The following CTNND2 variants were observed in gnomAD, a reference collection of about 807,000 sequenced individuals.
CTNND2 encodes the protein catenin delta-2.
In CTNND2, 22 loss-of-function variants were observed where a neutral mutation model predicts 144.4. The ratio of observed to expected loss-of-function variants is 0.15; its 90% CI spans 0.11 to 0.22. The LOEUF is 0.22. CTNND2 is among the 10% of genes least tolerant of loss of function. The pLI, the probability that CTNND2 is intolerant of heterozygous loss-of-function variation, is 1.00. For synonymous variants in CTNND2, 751 were observed against 695.6 expected (o/e 1.08, Z -1.25); for missense variants, 1,353 against 1,618.8 (o/e 0.84, Z 2.82).
intron 14 of CTNND2, among the ~76,000 whole-genome samples, chr5:11,109,212 T>A (rs976509789): frequency 6.6e-6 from 1 of 152,236 alleles, no homozygotes; most frequent in South Asian, 2.1e-4. Flanking sequence ...AAGTGATGCA[T>A]AGAGTGTCAA....
chr5:11,852,041 G>A (rs921765826), intron 1 of CTNND2, among the ~76,000 whole-genome samples: 4 of 151,876 alleles, frequency 2.6e-5, no homozygotes, highest in African/African-American at 4.8e-5. Context: ...ATTAACTTAC[G>A]TCTCTTAACC....
At chr5:11,596,163 G>T (rs1308501055) in intron 2 of CTNND2, among the ~76,000 whole-genome samples, 1 of 152,074 alleles carries the variant, frequency 6.6e-6, no homozygotes, top group Non-Finnish European at 1.5e-5. Context: ...TCCTTTTCTA[G>T]ACCTCAGGCA....
chr5:11,774,962 A>G (rs577887255), intron 1 of CTNND2, among the ~76,000 whole-genome samples: 4 of 152,168 alleles, frequency 2.6e-5, no homozygotes, highest in East Asian at 3.9e-4. Flanking sequence ...CTTACATCCA[A>G]TCCCATCCTA....
Position 10,971,839 on chromosome 5 carries a change from C to A in CTNND2, c.*1614G>T, listed in dbSNP as rs1443242154. The A allele has an allele frequency of 1.3e-5, 2 of 152,614 alleles. No homozygotes were observed. The highest frequency in any genetic ancestry group is 4.8e-5 in the African/African-American group (2 of 41,442). The allele number at this position is 152,614 out of a possible 1,614,324, so 9.5% of individuals were successfully genotyped here. Reference sequence around the variant, plus strand: ...TTTAAAGGACGATGGCAGCCAATTTCTTTTGTTACTGATGTTTTTATTTTT... The same window carrying A: ...TTTAAAGGACGATGGCAGCCAATTTATTTTGTTACTGATGTTTTTATTTTT... On this transcript the variant is annotated 3_prime_UTR_variant, in exon 22 of 22. Transcript: ENST00000304623.
chr5:11,713,134 C>A (rs1786131265), intron 2 of CTNND2, among the ~76,000 whole-genome samples: 1 of 152,124 alleles, frequency 6.6e-6, no homozygotes, highest in Non-Finnish European at 1.5e-5. Context: ...ATACAGTCAG[C>A]AATTTATTTC....
intron 9 of CTNND2, among the ~76,000 whole-genome samples, chr5:11,241,471 G>T (rs1411794950): frequency 1.3e-5 from 2 of 152,226 alleles, no homozygotes; most frequent in African/African-American, 4.8e-5. Context: ...GGTTGGAGTT[G>T]ATTGTGTCTC....
intron 1 of CTNND2, among the ~76,000 whole-genome samples, chr5:11,827,619 A>G (rs1244795422): frequency 6.6e-6 from 1 of 152,218 alleles, no homozygotes; most frequent in Non-Finnish European, 1.5e-5. Flanking sequence ...TACAAGAACT[A>G]AAGACATTAA....
At chr5:11,600,352 A>C (rs1779720251) in intron 2 of CTNND2, among the ~76,000 whole-genome samples, 1 of 152,212 alleles carries the variant, frequency 6.6e-6, no homozygotes, top group African/African-American at 2.4e-5. Context: ...TTCCACAGAT[A>C]TATTAAGTAT....
intron 9 of CTNND2, among the ~76,000 whole-genome samples, chr5:11,240,726 C>T (rs1742293096): frequency 6.9e-6 from 1 of 145,854 alleles, no homozygotes; most frequent in African/African-American, 2.5e-5. Context: ...AAAACACACA[C>T]TCAGCACACA....
At chr5:11,218,017 TCCTCCCTTCCTC>T (rs1443700996) in intron 10 of CTNND2, among the ~76,000 whole-genome samples, 1 of 151,648 alleles carries the variant, frequency 6.6e-6, no homozygotes, top group Non-Finnish European at 1.5e-5. Flanking sequence ...CTTCCTTCTT[TCCTCCCTTCCTC>T]CCTCCCTTCT....
intron 2 of CTNND2, among the ~76,000 whole-genome samples, chr5:11,574,415 A>G (rs1220856314): frequency 6.6e-6 from 1 of 152,142 alleles, no homozygotes; most frequent in African/African-American, 2.4e-5. Context: ...CCACACTAAC[A>G]GTTCAGAAAC....
intron 1 of CTNND2, among the ~76,000 whole-genome samples, chr5:11,832,681 C>T (rs1165754784): frequency 6.6e-6 from 1 of 152,196 alleles, no homozygotes; most frequent in Non-Finnish European, 1.5e-5. Context: ...TATTTCATGC[C>T]TGTAATCCCA....
In CTNND2 at chr5:11,315,812, T is replaced by C. The variant is rs115930894; in HGVS notation, c.1628+30560A>G. Among the ~76,000 whole-genome samples, 478 of 152,312 alleles carry C rather than the reference T, an allele frequency of 3.1e-3. 1 individual carries two copies. Among genetic ancestry groups the C allele is most frequent in the Non-Finnish European group, 5.4e-3 (366 of 68,024 alleles). ...ATTCTTTATCTTCTTTGGTTGGTCC[T>C]ACATAGTAAGCTTGATAAAGAGTTT... On this transcript the variant is annotated intron_variant, in intron 9 of 21. Transcript: ENST00000304623.
rs141849646 is a variant in CTNND2 at position 11,032,431 on chromosome 5, G to A, written c.2789-9452C>T. 3.0e-3 allele frequency among the ~76,000 whole-genome samples: 457 copies of A among 152,242 alleles called. 2 individuals carry two copies. Among genetic ancestry groups the A allele is most frequent in the South Asian group, 9.5e-3 (46 of 4,822 alleles). On this transcript the variant is annotated intron_variant, in intron 16 of 21. Coordinates refer to ENST00000304623, the MANE Select transcript of CTNND2 (RefSeq NM_001332.4). ...TATAAATATATCTAATTTAAACACA[G>A]TCTATCATCAAAGGGGAAAAATATA...
intron 1 of CTNND2, among the ~76,000 whole-genome samples, chr5:11,839,067 T>C (rs1017986986): frequency 6.6e-6 from 1 of 152,216 alleles, no homozygotes; most frequent in Non-Finnish European, 1.5e-5. Flanking sequence ...ATTTGTCATC[T>C]GCACAATTTT....
chr5:11,491,061 A>G (rs1235222551), intron 3 of CTNND2, among the ~76,000 whole-genome samples: 1 of 152,230 alleles, frequency 6.6e-6, no homozygotes, highest in African/African-American at 2.4e-5. Context: ...ACCATAATGA[A>G]GAAATCAAAA....
rs1379231742 is a variant in CTNND2 at position 11,294,360 on chromosome 5, G to C, written c.1628+52012C>G. The stretch of plus-strand genomic sequence containing the variant: ...TTCTCTCCCAGAAAAACACTAATGT[G>C]CTGAGTTGTGAAATGAACTAGCCAC... On this transcript the variant is annotated intron_variant, in intron 9 of 21. Transcript: ENST00000304623. 3.9e-5 allele frequency among the ~76,000 whole-genome samples: 6 copies of C among 152,212 alleles called. No homozygotes were observed. In the East Asian group the frequency reaches 1.2e-3, roughly 29 times the overall value.
At chr5:11,275,450 C>T (rs1452643790) in intron 9 of CTNND2, among the ~76,000 whole-genome samples, 1 of 152,228 alleles carries the variant, frequency 6.6e-6, no homozygotes, top group African/African-American at 2.4e-5. Flanking sequence ...GAACAGAAGA[C>T]ATCTGGGTTC....
intron 9 of CTNND2, among the ~76,000 whole-genome samples, chr5:11,343,450 G>T (rs1048911479): frequency 2.6e-5 from 4 of 152,240 alleles, no homozygotes; most frequent in South Asian, 2.1e-4. Context: ...AGGGATGCCA[G>T]AACTACTTAG....
Sources: allele counts gnomAD v4.1 joint callset (sites outside exome capture counted in the v4.1 genomes callset), GRCh38; gene constraint gnomAD v4.1.1; transcripts MANE v1.5; gene names NCBI Gene and HGNC (gene_info 2026-07-23, HGNC 2026-07-21).